Variants in TFAP2B observed in about 807,000 individuals in gnomAD.
The protein encoded by TFAP2B is transcription factor AP-2 beta.
In TFAP2B, 9 loss-of-function variants were observed where a neutral mutation model predicts 44.3. The ratio of observed to expected loss-of-function variants is 0.20; its 90% confidence interval spans 0.12 to 0.35. The LOEUF (loss-of-function observed/expected upper bound fraction) is 0.35. TFAP2B is among the 10% of genes least tolerant of loss of function. The probability of loss-of-function intolerance (pLI) is 1.00; values close to 1 mark genes in which losing one functional copy is unlikely to be tolerated. For missense variants in TFAP2B, 509 were observed against 600.0 expected, an observed-to-expected ratio of 0.85 and a Z score of 1.59; for synonymous variants, 270 against 263.8, an observed-to-expected ratio of 1.02 and a Z score of -0.23.
intron 3 of TFAP2B, among the ~76,000 whole-genome samples, chr6:50,831,406 G>C (rs2113942390): frequency 6.6e-6 from 1 of 152,242 alleles, no homozygotes; most frequent in South Asian, 2.1e-4. Context: ...CCTCTTAGCT[G>C]CCCCATTAGA....
At chr6:50,818,751 C>T, upstream of TFAP2B, 1 of 715,292 alleles carries the variant, frequency 1.4e-6, no homozygotes, top group Non-Finnish European at 2.4e-6. Context: ...CTTACTTGTC[C>T]AGCCTATTGT....
intron 3 of TFAP2B, among the ~76,000 whole-genome samples, chr6:50,834,463 C>T (rs1254051234): frequency 2.0e-5 from 3 of 152,192 alleles, no homozygotes; most frequent in Non-Finnish European, 4.4e-5. Context: ...TCCTCATCCA[C>T]TCTTGTAATA....
At chr6:50,840,882 G>A (rs1034812986) in intron 6 of TFAP2B, among the ~76,000 whole-genome samples, 1 of 152,176 alleles carries the variant, frequency 6.6e-6, no homozygotes, top group African/African-American at 2.4e-5. Flanking sequence ...CCTGTCTTTG[G>A]CTTCGGTGTC....
rs752548154 is a variant in TFAP2B at position 50,823,417 on chromosome 6, A to G, written c.92A>G (p.Asp31Gly). 9.3e-5 allele frequency: 149 copies of G among 1,594,868 alleles called. No homozygotes were observed. Among genetic ancestry groups the G allele is most frequent in the Non-Finnish European group, 1.2e-4 (144 of 1,171,500 alleles). Residue 31 changes from aspartate (D) to glycine (G), a missense_variant, in exon 2 of 7, where the codon GAT becomes GGT. Physicochemically the swap from Asp to Gly is moderately conservative, Grantham distance 94. Coordinates refer to ENST00000393655, the MANE Select transcript of TFAP2B (RefSeq NM_003221.4). Reference protein sequence around the residue: ...KYEDIYEDRHDGVPSHSSRLS... With the variant: ...KYEDIYEDRHGGVPSHSSRLS... ...TCTCTCCGCTCCCAGGACCGGCACG[A>G]TGGTGTCCCGAGCCACAGCTCGCGG...
chr6:50,824,733 T>C (rs997046643), intron 2 of TFAP2B, among the ~76,000 whole-genome samples: 1 of 152,172 alleles, frequency 6.6e-6, no homozygotes, highest in African/African-American at 2.4e-5. Flanking sequence ...ACCCACCCAC[T>C]ATCCCATCTG....
In TFAP2B at chr6:50,844,919, GC is replaced by G. The variant is rs1762814040; in HGVS notation, c.*1528del. 6.6e-6 allele frequency: 1 copy of G among 152,176 alleles called. No individual in the cohort carries two copies. The highest frequency in any genetic ancestry group is 2.4e-5 in the African/African-American group (1 of 41,442). The allele number at this position is 152,176 out of a possible 1,614,324, so 9.4% of individuals were successfully genotyped here. ...TTTTGGCATATAATGGCAAAATAAT[GC>G]AAAGTGAAGGGAGATGTATTTCAGC... On this transcript the variant is annotated 3_prime_UTR_variant, in exon 7 of 7. Transcript: ENST00000393655.
intron 2 of TFAP2B, among the ~76,000 whole-genome samples, chr6:50,824,971 C>A (rs962159004): frequency 6.6e-6 from 1 of 152,136 alleles, no homozygotes; most frequent in Non-Finnish European, 1.5e-5. Flanking sequence ...TGACATACCT[C>A]TGAAGCAAAG....
chr6:50,823,964 G>A, intron 2 of TFAP2B, 99 bp downstream of exon 2: 1 of 1,323,864 alleles, frequency 7.6e-7, no homozygotes, highest in Non-Finnish European at 1.0e-6. Flanking sequence ...GTCTCTTTTT[G>A]GGGAGTTTGT....
intron 1 of TFAP2B, 145 bp downstream of exon 1, chr6:50,819,117 C>A: frequency 1.3e-6 from 1 of 798,824 alleles, no homozygotes; most frequent in Non-Finnish European, 2.1e-6. Flanking sequence ...TTTAGAAAAG[C>A]TGGCTAGGGA....
chr6:50,827,584 C>A (rs1770563645), intron 2 of TFAP2B, among the ~76,000 whole-genome samples: 1 of 152,150 alleles, frequency 6.6e-6, no homozygotes, highest in East Asian at 1.9e-4. Flanking sequence ...GCTCCTCACT[C>A]TCAAGCCCTT....
rs140657288 is a variant in TFAP2B, at chr6:50,843,524, A to AT, written c.*136dup. 62 of 879,070 alleles carry AT rather than the reference A, an allele frequency of 7.1e-5. No homozygotes were observed. In the African/African-American group the frequency reaches 9.3e-4, roughly 13 times the overall value. The allele number at this position is 879,070 out of a possible 1,614,324, so 54.5% of individuals were successfully genotyped here. ...TAGGTAGAATACACATACAATCAAAATTTTAAAAAAAAAAGCTAAATAACT... is the reference window on the plus strand; with the variant it reads ...TAGGTAGAATACACATACAATCAAAATTTTTAAAAAAAAAAGCTAAATAACT... On this transcript the variant is annotated 3_prime_UTR_variant, in exon 7 of 7. Transcript: ENST00000393655.
rs777337647 is a variant in TFAP2B, at chr6:50,828,698, A to C, written c.601+19A>C. ...AAAAAAGGTATGGATAATTCCCCCC[A>C]AAAAGTAAGCAAAGTTCTCTCATGC... On this transcript the variant is annotated intron_variant, in intron 3 of 6. Transcript: ENST00000393655. 6.8e-6 allele frequency: 11 copies of C among 1,613,810 alleles called. No homozygotes were observed. The East Asian group carries it at 2.0e-4, about 29-fold the overall frequency.
intron 3 of TFAP2B, among the ~76,000 whole-genome samples, chr6:50,830,872 G>C (rs538417436): frequency 6.6e-6 from 1 of 152,230 alleles, no homozygotes; most frequent in Non-Finnish European, 1.5e-5. Flanking sequence ...AGGTGAGAAA[G>C]TCTTGTGAAC....
At chr6:50,831,319 G>C (rs1770662995) in intron 3 of TFAP2B, among the ~76,000 whole-genome samples, 1 of 152,178 alleles carries the variant, frequency 6.6e-6, no homozygotes. Context: ...AAGATCTCCA[G>C]AGCTCGTTTA....
At chr6:50,823,893 CAAA>C (rs959744627) in intron 2 of TFAP2B, 28 bp downstream of exon 2, 2 of 1,260,382 alleles carry the variant, frequency 1.6e-6, no homozygotes, top group African/African-American at 1.7e-5. Flanking sequence ...AACAAACAAA[CAAA>C]AAAGACCACG....
rs1762784873 is a variant in TFAP2B at position 50,843,820 on chromosome 6, A to G, written c.*428A>G. ...GTTGACTGAGACGCACGAACTTTTT[A>G]ATTTTAAATATATTTTTAGGAAACT... On this transcript the variant is annotated 3_prime_UTR_variant, in exon 7 of 7. Transcript: ENST00000393655. 6.1e-6 allele frequency: 1 copy of G among 164,368 alleles called. No individual in the cohort carries two copies. The highest frequency in any genetic ancestry group is 1.3e-5 in the Non-Finnish European group (1 of 76,358). The allele number at this position is 164,368 out of a possible 1,614,324, so 10.2% of individuals were successfully genotyped here. A position where few individuals can be genotyped will look rare whatever the true frequency, so the allele number is the denominator to read the frequency against.
At chr6:50,833,044 C>T (rs1041587007) in intron 3 of TFAP2B, among the ~76,000 whole-genome samples, 1 of 152,180 alleles carries the variant, frequency 6.6e-6, no homozygotes, top group African/African-American at 2.4e-5. Context: ...AATGTATGCA[C>T]AGAAAATTGT....
intron 1 of TFAP2B, chr6:50,822,071 A>C (rs1581807220): frequency 1.7e-6 from 2 of 1,202,114 alleles, no homozygotes; most frequent in African/African-American, 1.8e-5. Context: ...TCTCTGCTGG[A>C]CTCCTTGATT....
rs745554517 is a variant in TFAP2B at position 50,823,326 on chromosome 6, ACT to A, written c.82-76_82-75del. ...TTGTATTTTTTTTCTTCCTCTCTGTACTCTCTGTCTCTCTCTGCCTCTATCTC... is the reference window on the plus strand; with the variant it reads ...TTGTATTTTTTTTCTTCCTCTCTGTACTCTGTCTCTCTCTGCCTCTATCTC... On this transcript the variant is annotated intron_variant, in intron 1 of 6. Transcript: ENST00000393655. 23 of 1,220,102 alleles carry A rather than the reference ACT, an allele frequency of 1.9e-5. 1 individual carries two copies. The highest frequency in any genetic ancestry group is 1.8e-4 in the East Asian group (7 of 39,256). 75.6% of individuals were successfully genotyped at this position (1,220,102 alleles called of 1,614,324 possible). A position where few individuals can be genotyped will look rare whatever the true frequency, so the allele number is the denominator to read the frequency against.
Sources: allele counts gnomAD v4.1 joint callset (sites outside exome capture counted in the v4.1 genomes callset), GRCh38; gene constraint gnomAD v4.1.1; transcripts MANE v1.5; gene names NCBI Gene and HGNC (gene_info 2026-07-23, HGNC 2026-07-21).